The following SBNO1 variants were observed in gnomAD, a reference collection of about 807,000 sequenced individuals.
SBNO1 encodes strawberry notch homolog 1.
Under a neutral mutation model 173.6 loss-of-function variants are expected in SBNO1, and 23 were observed. That is an observed-to-expected ratio of 0.13 (90% CI 0.10 to 0.19). SBNO1 has a LOEUF of 0.19. SBNO1 is among the 10% of genes least tolerant of loss of function. SBNO1 has a pLI of 1.00. For synonymous variants in SBNO1, 632 were observed against 571.5 expected, an observed-to-expected ratio of 1.11 and a Z score of -1.51; for missense variants, 1,238 against 1,671.2, an observed-to-expected ratio of 0.74 and a Z score of 4.52.
chr12:123,327,991 A>G lies in SBNO1; in HGVS notation c.1333T>C (p.Cys445Arg), dbSNP rs1437298785. The G allele has an allele frequency of 2.5e-6, 4 of 1,613,004 alleles. No individual in the cohort carries two copies. Among genetic ancestry groups the G allele is most frequent in the Non-Finnish European group, 2.5e-6 (3 of 1,179,336 alleles). The change falls in exon 11 of 32, where the codon TGT (cysteine) becomes CGT (arginine). Residue 445 changes from cysteine (C) to arginine (R), a missense_variant. Coordinates refer to ENST00000602398, the MANE Select transcript of SBNO1 (RefSeq NM_001167856.3). Reference protein sequence around the residue: ...FDECHKAKNLCPVGSSKPTKT... With the variant: ...FDECHKAKNLRPVGSSKPTKT... ...GTTGGCTTTGAAGAACCAACAGGAC[A>G]TAAGTTTTTGGCTTTATGACACTCA...
rs114438562 is a variant in SBNO1 at position 123,351,798 on chromosome 12, T to C, written c.1-1357A>G. On this transcript the variant is annotated intron_variant, in intron 1 of 31. Coordinates refer to ENST00000602398, the MANE Select transcript of SBNO1 (RefSeq NM_001167856.3). ...AAGGGGAAATGGAATCCAAGATACT[T>C]AGGGAGCTAAATCCATCACATTTAG... Among the ~76,000 whole-genome samples, 930 of 152,154 alleles carry C rather than the reference T, an allele frequency of 6.1e-3. 14 individuals carry two copies. The highest frequency in any genetic ancestry group is 0.021 in the African/African-American group (891 of 41,506).
intron 1 of SBNO1, chr12:123,364,433 G>A: frequency 1.0e-6 from 1 of 985,518 alleles, no homozygotes; most frequent in South Asian, 4.7e-5. Flanking sequence ...CGGGGCTCCC[G>A]GAGCCCGAAA....
At position 123,309,301 on chromosome 12, in the gene SBNO1, A is replaced by G; in HGVS notation, c.3630+9T>C. ...TATATCTGAATAGAATTTAAAGGAA[A>G]AGTCGTACTTGCAATGACAAGTAAA... is the stretch of plus-strand genomic sequence containing the variant. On this transcript the variant is annotated intron_variant, in intron 28 of 31. Coordinates refer to ENST00000602398, the MANE Select transcript of SBNO1 (RefSeq NM_001167856.3). The G allele has an allele frequency of 6.2e-7, 1 of 1,605,916 alleles. No individual in the cohort carries two copies. Among genetic ancestry groups the G allele is most frequent in the Non-Finnish European group, 8.5e-7 (1 of 1,172,594 alleles).
chr12:123,323,837 G>T lies in SBNO1; in HGVS notation c.1974-6C>A, dbSNP rs1593363418. 1 of 1,582,500 alleles carries T rather than the reference G, an allele frequency of 6.3e-7. No homozygotes were observed. The highest frequency in any genetic ancestry group is 8.6e-7 in the Non-Finnish European group (1 of 1,169,550). ...TGAGTGACTGCAACACACCTCTGTA[G>T]GAGAGAAACAGTGACAATTACTGCT... On this transcript the variant is annotated splice_region_variant and splice_polypyrimidine_tract_variant and intron_variant, in intron 15 of 31. Coordinates refer to ENST00000602398, the MANE Select transcript of SBNO1 (RefSeq NM_001167856.3).
At chr12:123,346,995 T>G (rs1296410719) in intron 3 of SBNO1, among the ~76,000 whole-genome samples, 1 of 146,444 alleles carries the variant, frequency 6.8e-6, no homozygotes, top group Non-Finnish European at 1.5e-5. Context: ...GAAGAATTGC[T>G]TGAACCCAGG....
At position 123,359,569 on chromosome 12, in the gene SBNO1, G is replaced by A. The variant is rs144532961; in HGVS notation, c.-1+5132C>T. Among the ~76,000 whole-genome samples, 4 of 128,442 alleles carry A rather than the reference G, an allele frequency of 3.1e-5. No individual in the cohort carries two copies. The South Asian group carries it at 7.7e-4, about 25-fold the overall frequency. 84.3% of individuals were successfully genotyped at this position (128,442 alleles called of 152,430 possible). On this transcript the variant is annotated intron_variant, in intron 1 of 31. Transcript: ENST00000602398. ...GACTCCGTCTCAAAAAAAAAAAAAAGATATATATATAGTTGTATGGGTATA... is the reference window on the plus strand; with the variant it reads ...GACTCCGTCTCAAAAAAAAAAAAAAAATATATATATAGTTGTATGGGTATA...
intron 24 of SBNO1, among the ~76,000 whole-genome samples, chr12:123,313,282 A>AT (rs1308644784): frequency 2.0e-5 from 3 of 149,886 alleles, no homozygotes; most frequent in African/African-American, 7.3e-5. Flanking sequence ...GGTCTTAAAA[A>AT]AAATAAAATA....
chr12:123,332,810 C>T (rs1235253987), intron 7 of SBNO1, among the ~76,000 whole-genome samples: 3 of 152,226 alleles, frequency 2.0e-5, no homozygotes, highest in African/African-American at 4.8e-5. Context: ...CAGGGTGACC[C>T]GCCTGCCTCA....
In SBNO1 at chr12:123,327,689, T is replaced by C. The variant is rs1870760338; in HGVS notation, c.1538+18A>G. On this transcript the variant is annotated intron_variant, in intron 12 of 31. Coordinates refer to ENST00000602398, the MANE Select transcript of SBNO1 (RefSeq NM_001167856.3). ...TTAGATTGCTACTGAGAAGAGTATA[T>C]ACCGTAAACTGCATTACCTCCGTTC... The C allele has an allele frequency of 1.3e-6, 2 of 1,593,634 alleles. No homozygotes were observed. The highest frequency in any genetic ancestry group is 1.7e-6 in the Non-Finnish European group (2 of 1,161,700).
At chr12:123,298,678 AT>A (rs1014583270) in intron 30 of SBNO1, among the ~76,000 whole-genome samples, 10 of 151,960 alleles carry the variant, frequency 6.6e-5, no homozygotes, top group African/African-American at 2.2e-4. Flanking sequence ...TAAAACCACG[AT>A]TTTTTCAGGG....
intron 31 of SBNO1, among the ~76,000 whole-genome samples, chr12:123,297,351 A>T (rs1183749395): frequency 2.4e-5 from 3 of 126,748 alleles, no homozygotes; most frequent in Admixed American, 8.1e-5. Flanking sequence ...AAAAAAAAAA[A>T]ATTCATTAAT....
Position 123,345,272 on chromosome 12 carries a change from A to T in SBNO1, c.536T>A (p.Val179Glu). Residue 179 changes from valine (V) to glutamate (E), a missense_variant, in exon 4 of 32, where the codon GTA (valine) becomes GAA (glutamate). Coordinates refer to ENST00000602398, the MANE Select transcript of SBNO1 (RefSeq NM_001167856.3). ...AACAGACTTACTAGCTGCTGTTGCT[A>T]CTGGCTGAGCAATATTAGCAGGTGG... ...LKPPANIAQPVATAATDVSNG... is the reference protein window; with the variant it reads ...LKPPANIAQPEATAATDVSNG... 2 of 1,613,134 alleles carry T rather than the reference A, an allele frequency of 1.2e-6. No homozygotes were observed. Among genetic ancestry groups the T allele is most frequent in the Non-Finnish European group, 8.5e-7 (1 of 1,179,132 alleles).
In SBNO1 at chr12:123,350,322, C is replaced by G. The variant is rs778162771; in HGVS notation, c.120G>C (p.Pro40=). 1.7e-5 allele frequency: 27 copies of G among 1,613,864 alleles called. No individual in the cohort carries two copies. Among genetic ancestry groups the G allele is most frequent in the Non-Finnish European group, 2.3e-5 (27 of 1,179,960 alleles). The change falls in exon 2 of 32, where the codon CCG becomes CCC. Residue 40 remains proline, a synonymous_variant. Transcript: ENST00000602398. ...DAGLATPMPT[P]SVQQSVPLSA... The stretch of plus-strand genomic sequence containing the variant: ...GGAAAACTCTTACCTGCTGAACTGA[C>G]GGGGTAGGCATTGGAGTTGCAAGCC...
chr12:123,364,194 G>A (rs1189948927), intron 1 of SBNO1: 12 of 985,702 alleles, frequency 1.2e-5, no homozygotes, highest in East Asian at 1.1e-4. Context: ...GTGGGGTTCA[G>A]ATTTAGGAAG....
At chr12:123,324,318 TTTTTTC>T (rs1372507310) in intron 15 of SBNO1, among the ~76,000 whole-genome samples, 27 of 71,234 alleles carry the variant, frequency 3.8e-4, no homozygotes, top group Admixed American at 1.7e-3. Flanking sequence ...TATGTCTTGC[TTTTTTC>T]TTTTTTTTTT....
intron 1 of SBNO1, among the ~76,000 whole-genome samples, chr12:123,352,413 G>T (rs1210363767): frequency 9.9e-5 from 15 of 152,056 alleles, no homozygotes; most frequent in African/African-American, 2.4e-5. Flanking sequence ...CCGGGCTGAT[G>T]CTCCTGCCTC....
Position 123,309,365 on chromosome 12 carries a change from G to A in SBNO1, c.3575C>T (p.Thr1192Ile). ...VERGMSWEEATKIWAELTGPD... is the reference protein window; with the variant it reads ...VERGMSWEEAIKIWAELTGPD... ...TCCTGTCAGCTCAGCCCAAATCTTGGTAGCTTCCTCCCATGACATTCCCCT... is the reference window on the plus strand; with the variant it reads ...TCCTGTCAGCTCAGCCCAAATCTTGATAGCTTCCTCCCATGACATTCCCCT... The change falls in exon 28 of 32, where the codon ACC (threonine) becomes ATC (isoleucine). Residue 1192 changes from threonine to isoleucine, a missense_variant. This residue lies in a region of SBNO1 where 351 missense variants were observed against 420.3 expected (regional missense o/e 0.84). Coordinates refer to ENST00000602398, the MANE Select transcript of SBNO1 (RefSeq NM_001167856.3). The A allele has an allele frequency of 6.2e-7, 1 of 1,614,126 alleles. No individual in the cohort carries two copies. The highest frequency in any genetic ancestry group is 8.5e-7 in the Non-Finnish European group (1 of 1,180,006).
At chr12:123,310,640 T>G (rs1402246369) in intron 25 of SBNO1, among the ~76,000 whole-genome samples, 1 of 151,998 alleles carries the variant, frequency 6.6e-6, no homozygotes, top group Non-Finnish European at 1.5e-5. Context: ...GTTCAAGTAA[T>G]TCTCTTGCCT....
At position 123,335,334 on chromosome 12, in the gene SBNO1, G is replaced by A. The variant is rs116666351; in HGVS notation, c.748+1061C>T. On this transcript the variant is annotated intron_variant, in intron 6 of 31. Transcript: ENST00000602398. ...CACACCTGTAATCCTAGCTACTCAAGAGGCTGAAGCACGAGAATTGCTAGA... is the reference window on the plus strand; with the variant it reads ...CACACCTGTAATCCTAGCTACTCAAAAGGCTGAAGCACGAGAATTGCTAGA... Among the ~76,000 whole-genome samples, 662 of 152,314 alleles carry A rather than the reference G, an allele frequency of 4.3e-3. 5 individuals carry two copies. Among genetic ancestry groups the A allele is most frequent in the African/African-American group, 0.015 (640 of 41,554 alleles).
Sources: gnomAD v4.1 joint callset for allele counts (sites outside exome capture counted in the v4.1 genomes callset) on GRCh38, gnomAD v4.1.1 for gene constraint, gnomAD v4.1.1 regional missense constraint, MANE v1.5 for transcripts, NCBI Gene and HGNC (gene_info 2026-07-23, HGNC 2026-07-21) for gene names.